MPI: variants seen among roughly 807,000 people sequenced by gnomAD.
The protein encoded by MPI is mannose-6-phosphate isomerase.
Under a neutral mutation model 40.1 loss-of-function variants are expected in MPI, and 33 were observed. The observed-to-expected ratio is 0.82, with a 90% confidence interval of 0.62 to 1.10. The LOEUF (loss-of-function observed/expected upper bound fraction) is 1.10. MPI is among the 50% of genes least tolerant of loss of function. The probability of loss-of-function intolerance (pLI) is 0.00; values close to 1 mark genes in which losing one functional copy is unlikely to be tolerated. For missense variants in MPI, 514 were observed against 524.1 expected, an observed-to-expected ratio of 0.98 and a Z score of 0.19; for synonymous variants, 187 against 207.4, an observed-to-expected ratio of 0.90 and a Z score of 0.85.
rs146699267 is a variant in MPI at position 74,891,448 on chromosome 15, A to C, written c.214A>C (p.Ser72Arg). ...LDNRISQKTL[S>R]QWIAENQDSL... ...CAACCGCATCTCACAGAAGACCCTA[A>C]GCCAGTGGATTGCTGAGAACCAGGA... Residue 72 changes from serine (S) to arginine (R), a missense_variant, in exon 3 of 8, where the codon AGC becomes CGC. Physicochemically the swap from Ser to Arg is moderately radical, Grantham distance 110. Transcript: ENST00000352410. The C allele has an allele frequency of 5.4e-4, 867 of 1,614,230 alleles. 11 individuals carry two copies. In the East Asian group the frequency reaches 0.017, roughly 32 times the overall value.
rs1223295146 is a variant in MPI, at chr15:74,897,158, A to C, written c.992A>C (p.Glu331Ala). The C allele has an allele frequency of 4.3e-6, 7 of 1,614,050 alleles. No individual in the cohort carries two copies. The Admixed American group carries it at 1.2e-4, about 27-fold the overall frequency. Reference protein sequence around the residue: ...DRLFLPTRSQEDPYLSIYDPP... With the variant: ...DRLFLPTRSQADPYLSIYDPP... ...CTCTTTCTCCCAACACGGAGTCAGG[A>C]AGACCCCTACCTCTCAATCTATGAC... The change falls in exon 7 of 8, where the codon GAA becomes GCA. Residue 331 changes from glutamate to alanine, a missense_variant. Glu to Ala is a moderately radical substitution (Grantham distance 107). Coordinates refer to ENST00000352410, the MANE Select transcript of MPI (RefSeq NM_002435.3).
intron 6 of MPI, chr15:74,896,556 T>A: frequency 1.5e-6 from 1 of 675,118 alleles, no homozygotes; most frequent in Non-Finnish European, 2.7e-6. Context: ...GCTACTCTGA[T>A]TTTAAGTCCT....
chr15:74,890,245 C>A, intron 1 of MPI, 156 bp downstream of exon 1: 1 of 1,124,894 alleles, frequency 8.9e-7, no homozygotes, highest in Non-Finnish European at 1.3e-6. Flanking sequence ...TGGGGATTGA[C>A]CTCCGAGGGG....
intron 5 of MPI, among the ~76,000 whole-genome samples, chr15:74,894,973 T>C (rs2064795783): frequency 7.2e-6 from 1 of 139,234 alleles, no homozygotes; most frequent in African/African-American, 2.6e-5. Context: ...TAGAACTTTC[T>C]TTTTTTTTTT....
intron 2 of MPI, 39 bp downstream of exon 2, chr15:74,890,693 G>T (rs753322079): frequency 6.2e-7 from 1 of 1,610,296 alleles, no homozygotes; most frequent in Non-Finnish European, 8.5e-7. Context: ...TTTACCCGCA[G>T]GTCAGGAGAA....
chr15:74,897,412 G>A (rs1377242569), intron 7 of MPI, 100 bp from the exon 8 acceptor site: 1 of 1,352,806 alleles, frequency 7.4e-7, no homozygotes, highest in East Asian at 2.4e-5. Flanking sequence ...GTGCGAGAAG[G>A]TGGCAGAGCT....
intron 5 of MPI, among the ~76,000 whole-genome samples, chr15:74,895,129 CTTTTTT>C (rs71140110): frequency 1.8e-5 from 2 of 110,580 alleles, no homozygotes; most frequent in Non-Finnish European, 3.7e-5. Context: ...CCACACCTGG[CTTTTTT>C]TTTTTTTTTT....
At chr15:74,893,935 C>T (rs1278084068) in intron 5 of MPI, 1 of 163,168 alleles carries the variant, frequency 6.1e-6, no homozygotes, top group Non-Finnish European at 1.3e-5. Context: ...AACCCCTTCT[C>T]TAGGTGGCCC....
intron 5 of MPI, among the ~76,000 whole-genome samples, chr15:74,894,103 T>A (rs377539090): frequency 2.2e-4 from 5 of 22,650 alleles, no homozygotes; most frequent in East Asian, 4.8e-3. Flanking sequence ...TGTGTGTGTG[T>A]GTGTGGTCTC....
At chr15:74,896,794 AC>A in intron 6 of MPI, 1 of 644,214 alleles carries the variant, frequency 1.6e-6, no homozygotes, top group South Asian at 1.8e-5. Context: ...GGGCTCCCCA[AC>A]CCCCAGGGGT....
At chr15:74,892,611 G>A in intron 3 of MPI, 50 bp from the exon 4 acceptor site, 1 of 1,611,614 alleles carries the variant, frequency 6.2e-7, no homozygotes, top group Non-Finnish European at 8.5e-7. Flanking sequence ...GTACCTGCTA[G>A]GTAATGGCTG....
At chr15:74,897,436 TG>T in intron 7 of MPI, 75 bp from the exon 8 acceptor site, 1 of 1,475,056 alleles carries the variant, frequency 6.8e-7, no homozygotes, top group Non-Finnish European at 9.4e-7. Flanking sequence ...CCTCGTGCCC[TG>T]GGGACTGTCC....
At chr15:74,895,390 C>T (rs1449517081) in intron 5 of MPI, 2 of 151,480 alleles carry the variant, frequency 1.3e-5, no homozygotes, top group Admixed American at 6.6e-5. Context: ...TTCAGGAGTT[C>T]GAGACCAGCC....
intron 5 of MPI, among the ~76,000 whole-genome samples, chr15:74,894,107 T>TGTGTGTGTGTGTGTGTGTGAGCCAG (rs1555478772): frequency 1.6e-4 from 10 of 60,946 alleles, no homozygotes; most frequent in Non-Finnish European, 4.2e-4. Context: ...TGTGTGTGTG[T>TGTGTGTGTGTGTGTGTGTGAGCCAG]GGTCTCTTTC....
In MPI at chr15:74,893,328, C is replaced by T. The variant is rs1015183312; in HGVS notation, c.670+8C>T. On this transcript the variant is annotated splice_region_variant and intron_variant, in intron 5 of 7. Transcript: ENST00000352410. ...AGCGGATCTCCCAGCAAGGTGGACA[C>T]AGTTATATTCCTGGTTGGGTGCAAT... 15 of 1,613,934 alleles carry T rather than the reference C, an allele frequency of 9.3e-6. No homozygotes were observed. The African/African-American group carries it at 1.5e-4, about 16-fold the overall frequency.
At position 74,899,374 on chromosome 15, in the gene MPI, TCTC is replaced by T. The variant is rs1415080940; in HGVS notation, c.*1647_*1649del. The T allele has an allele frequency of 5.9e-5, 9 of 152,198 alleles. No homozygotes were observed. Among genetic ancestry groups the T allele is most frequent in the South Asian group, 2.1e-4 (1 of 4,822 alleles). 9.4% of individuals were successfully genotyped at this position (152,198 alleles called of 1,614,324 possible). A position where few individuals can be genotyped will look rare whatever the true frequency, so the allele number is the denominator to read the frequency against. ...AGTTCCAGGAAACCACCTTCAAAAA[TCTC>T]CTGGGTTTTCTTGCCTCCAAATTTT... is the stretch of plus-strand genomic sequence containing the variant. On this transcript the variant is annotated 3_prime_UTR_variant, in exon 8 of 8. Transcript: ENST00000352410.
rs768931867 is a variant in MPI at position 74,891,428 on chromosome 15, G to A, written c.194G>A (p.Arg65His). The A allele has an allele frequency of 1.2e-5, 20 of 1,614,182 alleles. No homozygotes were observed. Among genetic ancestry groups the A allele is most frequent in the East Asian group, 2.2e-5 (1 of 44,890 alleles). Residue 65 changes from arginine (R) to histidine (H), a missense_variant, in exon 3 of 8, where the codon CGC becomes CAC. Arg to His is a conservative substitution (Grantham distance 29, BLOSUM62 0). Coordinates refer to ENST00000352410, the MANE Select transcript of MPI (RefSeq NM_002435.3). Reference sequence around the variant, plus strand: ...GGGGATGCCAAGATCCTTGACAACCGCATCTCACAGAAGACCCTAAGCCAG... The same window carrying A: ...GGGGATGCCAAGATCCTTGACAACCACATCTCACAGAAGACCCTAAGCCAG... ...PRGDAKILDN[R>H]ISQKTLSQWI...
Position 74,897,188 on chromosome 15 carries a change from CT to C in MPI, c.1023del (p.Val342TyrfsTer7), listed in dbSNP as rs1555479441. 1 of 1,614,202 alleles carries C rather than the reference CT, an allele frequency of 6.2e-7. No individual in the cohort carries two copies. Among genetic ancestry groups the C allele is most frequent in the Non-Finnish European group, 8.5e-7 (1 of 1,180,024 alleles). On this transcript the variant is annotated frameshift_variant, in exon 7 of 8. Coordinates refer to ENST00000352410, the MANE Select transcript of MPI (RefSeq NM_002435.3). LOFTEE classifies it high-confidence loss of function. ...CCCTACCTCTCAATCTATGACCCCCCTGTACCAGACTTCACCATTATGAAGA... is the reference window on the plus strand; with the variant it reads ...CCCTACCTCTCAATCTATGACCCCCCGTACCAGACTTCACCATTATGAAGA... The part of the protein sequence containing the change: ...EDPYLSIYDP[P>X]VPDFTIMKTE...
rs771925493 is a variant in MPI, at chr15:74,890,574, G to A, written c.64G>A (p.Gly22Ser). ...GCAGCAGTATGCCTGGGGGAAGATG[G>A]GTTCCAACAGCGAAGTGGCGCGGCT... Reference protein sequence around the residue: ...AVQQYAWGKMGSNSEVARLLA... With the variant: ...AVQQYAWGKMSSNSEVARLLA... The change falls in exon 2 of 8, where the codon GGT becomes AGT. Residue 22 changes from glycine (G) to serine (S), a missense_variant. Physicochemically the swap from Gly to Ser is moderately conservative, Grantham distance 56 (BLOSUM62 0). Transcript: ENST00000352410. The A allele has an allele frequency of 8.7e-6, 14 of 1,614,140 alleles. No homozygotes were observed. Among genetic ancestry groups the A allele is most frequent in the Non-Finnish European group, 1.2e-5 (14 of 1,180,030 alleles).
Sources: gnomAD v4.1 joint callset for allele counts (sites outside exome capture counted in the v4.1 genomes callset) on GRCh38, gnomAD v4.1.1 for gene constraint, MANE v1.5 for transcripts, NCBI Gene and HGNC (gene_info 2026-07-23, HGNC 2026-07-21) for gene names.